The following TDRD9 variants were observed in gnomAD, a reference collection of about 807,000 sequenced individuals.
TDRD9 encodes the protein ATP-dependent RNA helicase TDRD9.
TDRD9 carries 124 observed loss-of-function variants against 172.6 expected under a neutral mutation model. That is an observed-to-expected ratio of 0.72 (90% CI 0.62 to 0.83). The LOEUF is 0.83. Among genes scored for constraint, TDRD9 ranks in the 40% least tolerant of loss-of-function variants. The probability of loss-of-function intolerance (pLI) is 0.00; values close to 1 mark genes in which losing one functional copy is unlikely to be tolerated. For missense variants in TDRD9, 1,479 were observed against 1,714.1 expected (o/e 0.86, Z 2.42); for synonymous variants, 619 against 617.1 (o/e 1.00, Z -0.05).
chr14:103,934,403 C>T (rs1429502528), intron 1 of TDRD9, among the ~76,000 whole-genome samples: 1 of 152,178 alleles, frequency 6.6e-6, no homozygotes, highest in African/African-American at 2.4e-5. Flanking sequence ...GGTGCATGTT[C>T]TCTGTATGTA....
intron 20 of TDRD9, among the ~76,000 whole-genome samples, chr14:104,012,897 A>G (rs1212430268): frequency 6.6e-6 from 1 of 152,090 alleles, no homozygotes; most frequent in Non-Finnish European, 1.5e-5. Context: ...CCCAGCCCTG[A>G]AATGTTTTTA....
chr14:103,977,630 C>CT (rs766681794), intron 7 of TDRD9, among the ~76,000 whole-genome samples: 30,129 of 114,358 alleles, frequency 0.26, 4,345 homozygotes, highest in Non-Finnish European at 0.33. Context: ...TGATTTCTTT[C>CT]TTTTTTTTTT....
intron 8 of TDRD9, among the ~76,000 whole-genome samples, chr14:103,989,878 T>G (rs1370278545): frequency 6.6e-6 from 1 of 152,246 alleles, no homozygotes; most frequent in Non-Finnish European, 1.5e-5. Context: ...CTCTTGCCCG[T>G]CTGGTGACTG....
intron 23 of TDRD9, among the ~76,000 whole-genome samples, chr14:104,021,671 C>T (rs1485701645): frequency 1.3e-5 from 2 of 151,866 alleles, no homozygotes; most frequent in Non-Finnish European, 2.9e-5. Flanking sequence ...GGCGACAGAG[C>T]GAGACTCCAT....
chr14:103,936,587 ATCCT>A (rs1482078944), intron 1 of TDRD9, among the ~76,000 whole-genome samples: 2 of 152,210 alleles, frequency 1.3e-5, no homozygotes, highest in Non-Finnish European at 2.9e-5. Context: ...AAATCACAAT[ATCCT>A]GGCAAGTGTA....
At chr14:103,970,650 T>TA (rs1163677668) in intron 6 of TDRD9, 29 bp downstream of exon 6, 1 of 1,475,062 alleles carries the variant, frequency 6.8e-7, no homozygotes. Context: ...GTAACAGACA[T>TA]ATTTAGGATT....
In TDRD9 at chr14:103,930,793, T is replaced by C. The variant is rs372569157; in HGVS notation, c.215+2069T>C. On this transcript the variant is annotated intron_variant, in intron 1 of 35. Transcript: ENST00000409874. ...CTTAGTTTTAACGGTGTGAACAGCA[T>C]TGCTATTAAATAACCCATTGTAATA... Among the ~76,000 whole-genome samples, 19 of 152,338 alleles carry C rather than the reference T, an allele frequency of 1.2e-4. No homozygotes were observed. In the East Asian group the frequency reaches 3.5e-3, roughly 28 times the overall value.
intron 27 of TDRD9, 63 bp from the exon 28 acceptor site, chr14:104,026,616 A>G: frequency 6.4e-7 from 1 of 1,570,092 alleles, no homozygotes; most frequent in Middle Eastern, 1.7e-4. Context: ...TTTCAGTGGT[A>G]TTTGGGATGA....
chr14:103,968,753 G>A (rs533114887), intron 5 of TDRD9, among the ~76,000 whole-genome samples: 24 of 107,050 alleles, frequency 2.2e-4, no homozygotes, highest in African/African-American at 7.2e-4. Flanking sequence ...CTGAGATTGC[G>A]CCACTGCACT....
At chr14:103,977,847 T>C (rs906374803) in intron 7 of TDRD9, among the ~76,000 whole-genome samples, 1 of 152,142 alleles carries the variant, frequency 6.6e-6, no homozygotes, top group Admixed American at 6.6e-5. Flanking sequence ...TTTTTGTGTA[T>C]ATTGAGAGAG....
rs180934093 is a variant in TDRD9 at position 103,944,043 on chromosome 14, C to T, written c.216-11621C>T. Among the ~76,000 whole-genome samples, 271 of 152,298 alleles carry T rather than the reference C, an allele frequency of 1.8e-3. 1 individual carries two copies. The highest frequency in any genetic ancestry group is 5.6e-3 in the African/African-American group (232 of 41,560). ...ATACTAAAATTACAGCGAATCTTGC[C>T]GCATACTCCTTTGAATAACCTCCTT... On this transcript the variant is annotated intron_variant, in intron 1 of 35. Transcript: ENST00000409874.
At chr14:103,932,917 A>G (rs537418349) in intron 1 of TDRD9, among the ~76,000 whole-genome samples, 1 of 152,216 alleles carries the variant, frequency 6.6e-6, no homozygotes, top group South Asian at 2.1e-4. Flanking sequence ...AAATAAATAG[A>G]AAATGCCAGA....
intron 7 of TDRD9, among the ~76,000 whole-genome samples, chr14:103,976,227 T>G (rs890503953): frequency 6.6e-6 from 1 of 152,122 alleles, no homozygotes; most frequent in Non-Finnish European, 1.5e-5. Flanking sequence ...CTGAGTAGTA[T>G]TTAATTGTGT....
At chr14:104,032,924 A>C (rs1394198796) in intron 30 of TDRD9, among the ~76,000 whole-genome samples, 1 of 152,196 alleles carries the variant, frequency 6.6e-6, no homozygotes, top group Non-Finnish European at 1.5e-5. Context: ...GCGGATACAG[A>C]GGCGTCAGCC....
chr14:104,026,942 G>A lies in TDRD9; in HGVS notation c.3282+3G>A, dbSNP rs1429254985. 1 of 1,611,828 alleles carries A rather than the reference G, an allele frequency of 6.2e-7. No individual in the cohort carries two copies. Among genetic ancestry groups the A allele is most frequent in the Admixed American group, 1.7e-5 (1 of 59,956 alleles). On this transcript the variant is annotated splice_donor_region_variant and intron_variant, in intron 28 of 35. Coordinates refer to ENST00000409874, the MANE Select transcript of TDRD9 (RefSeq NM_153046.3). ...CGGAGGAGTCCTACGAGTCCAAGGT[G>A]TGTGCTTTCGCCGTTGCTGGAGCAC...
In TDRD9 at chr14:103,941,640, T is replaced by C. The variant is rs2031242245; in HGVS notation, c.215+12916T>C. 5.2e-6 allele frequency: 8 copies of C among 1,534,878 alleles called. 1 individual carries two copies. The highest frequency in any genetic ancestry group is 2.4e-5 in the South Asian group (2 of 83,968). On this transcript the variant is annotated intron_variant, in intron 1 of 35. Coordinates refer to ENST00000409874, the MANE Select transcript of TDRD9 (RefSeq NM_153046.3). The stretch of plus-strand genomic sequence containing the variant: ...TGTCACTATGTCTGAGCCAGGATAG[T>C]GTGTGGGTTTGTAGGAATCGTTTTT...
At chr14:103,954,937 T>A (rs745684689) in intron 1 of TDRD9, among the ~76,000 whole-genome samples, 22 of 150,928 alleles carry the variant, frequency 1.5e-4, no homozygotes, top group Non-Finnish European at 2.9e-4. Context: ...GCTGTTTATT[T>A]TTTTTTTGAA....
intron 34 of TDRD9, among the ~76,000 whole-genome samples, chr14:104,043,522 C>T (rs1319467545): frequency 1.3e-5 from 2 of 152,088 alleles, no homozygotes; most frequent in Non-Finnish European, 2.9e-5. Flanking sequence ...GTGTGAGCCA[C>T]CATGCCTGGC....
At chr14:103,952,875 G>A (rs1452761086) in intron 1 of TDRD9, among the ~76,000 whole-genome samples, 1 of 151,478 alleles carries the variant, frequency 6.6e-6, no homozygotes, top group East Asian at 1.9e-4. Flanking sequence ...GAGTAGCTGG[G>A]ATTACAGGTG....
Sources: gnomAD v4.1 joint callset for allele counts (sites outside exome capture counted in the v4.1 genomes callset) on GRCh38, gnomAD v4.1.1 for gene constraint, MANE v1.5 for transcripts, NCBI Gene and HGNC (gene_info 2026-07-23, HGNC 2026-07-21) for gene names.